The following RBFOX1 variants were observed in gnomAD, a reference collection of about 807,000 sequenced individuals.
RBFOX1 encodes RNA binding fox-1 homolog 1, also known as RNA binding protein fox-1 homolog 1.
In RBFOX1, 8 loss-of-function variants were observed where a neutral mutation model predicts 57.7. The ratio of observed to expected loss-of-function variants is 0.14; its 90% CI spans 0.08 to 0.25. RBFOX1 has a LOEUF of 0.25. RBFOX1 is among the 10% of genes least tolerant of loss of function. The pLI, the probability that RBFOX1 is intolerant of heterozygous loss-of-function variation, is 1.00. For synonymous variants in RBFOX1, 326 were observed against 222.4 expected (o/e 1.47, Z -4.15); for missense variants, 611 against 548.5 (o/e 1.11, Z -1.14).
rs115387338 is a variant in RBFOX1, at chr16:5,252,287, A to G, written c.219+12182A>G. On this transcript the variant is annotated intron_variant, in intron 1 of 2. Transcript: ENST00000585867. ...GTATTTATGCAGGGTTAGGCTTTCC[A>G]GGAGGTCCAGTTAAACCTGAATTTC... 4.2e-3 allele frequency among the ~76,000 whole-genome samples: 643 copies of G among 152,330 alleles called. 4 individuals are homozygous for G. The highest frequency in any genetic ancestry group is 0.015 in the African/African-American group (613 of 41,574).
intron 4 of RBFOX1, among the ~76,000 whole-genome samples, chr16:7,204,685 C>A (rs1404216763): frequency 3.9e-5 from 6 of 152,150 alleles, no homozygotes; most frequent in African/African-American, 1.4e-4. Flanking sequence ...TGTTCTAAGA[C>A]ATCAGGGATT....
intron 10 of RBFOX1, among the ~76,000 whole-genome samples, chr16:7,625,681 A>G (rs948901305): frequency 5.9e-5 from 9 of 152,148 alleles, no homozygotes; most frequent in African/African-American, 1.9e-4. Flanking sequence ...AAATTCAGAA[A>G]TTATGTAGGA....
chr16:7,634,318 A>G (rs2061425117), intron 11 of RBFOX1, among the ~76,000 whole-genome samples: 2 of 150,498 alleles, frequency 1.3e-5, no homozygotes, highest in South Asian at 4.2e-4. Context: ...TTGCAAGATA[A>G]CTCTGGAGCT....
intron 4 of RBFOX1, among the ~76,000 whole-genome samples, chr16:5,887,647 A>C (rs892252937): frequency 2.6e-5 from 4 of 151,668 alleles, no homozygotes; most frequent in East Asian, 2.0e-4. Context: ...CAAGTGATCC[A>C]CCCGCCTCAG....
At position 5,717,786 on chromosome 16, in the gene RBFOX1, G is replaced by A. The variant is rs539019192; in HGVS notation, c.318+118825G>A. 7.9e-5 allele frequency among the ~76,000 whole-genome samples: 12 copies of A among 152,258 alleles called. No homozygotes were observed. In the East Asian group the frequency reaches 1.7e-3, roughly 22 times the overall value. ...TTGCAAGAAGATTTGGTACTATTCG[G>A]AGGGCCTCCCATGATCAGCGATTTA... On this transcript the variant is annotated intron_variant, in intron 3 of 19. Coordinates refer to the RBFOX1 transcript ENST00000641259.
At chr16:6,214,275 T>C (rs1330124670) in intron 1 of RBFOX1, among the ~76,000 whole-genome samples, 1 of 151,862 alleles carries the variant, frequency 6.6e-6, no homozygotes, top group East Asian at 1.9e-4. Flanking sequence ...CTAGTATGCA[T>C]TAGGAATCTC....
chr16:7,078,044 C>G (rs1044146717), intron 4 of RBFOX1, among the ~76,000 whole-genome samples: 1 of 152,270 alleles, frequency 6.6e-6, no homozygotes, highest in African/African-American at 2.4e-5. Context: ...CAGACAAACA[C>G]CTTTTGAGAT....
intron 2 of RBFOX1, among the ~76,000 whole-genome samples, chr16:5,564,916 A>T (rs2046012666): frequency 6.6e-6 from 1 of 152,116 alleles, no homozygotes; most frequent in African/African-American, 2.4e-5. Context: ...GGTGGAACAC[A>T]CCTCAGCCTT....
intron 3 of RBFOX1, among the ~76,000 whole-genome samples, chr16:5,724,604 C>G (rs1399526480): frequency 6.6e-6 from 1 of 152,160 alleles, no homozygotes; most frequent in Non-Finnish European, 1.5e-5. Flanking sequence ...TTCAGAGAGC[C>G]TAATGCATTC....
In RBFOX1 at chr16:5,665,727, C is replaced by T. The variant is rs77805090; in HGVS notation, c.318+66766C>T. ...TGTTTACTGAGTGTCCTGATCTTAG[C>T]ACAGATCCTGGAAAACTCAGCTGCC... is the stretch of plus-strand genomic sequence containing the variant. On this transcript the variant is annotated intron_variant, in intron 3 of 19. Transcript: ENST00000641259. Among the ~76,000 whole-genome samples the T allele has an allele frequency of 5.7e-3, 864 of 152,298 alleles. 9 individuals are homozygous for T. The highest frequency in any genetic ancestry group is 0.02 in the African/African-American group (825 of 41,556).
rs79731629 is a variant in RBFOX1 at position 7,541,749 on chromosome 16, C to T, written c.270+23360C>T. 8.5e-4 allele frequency among the ~76,000 whole-genome samples: 129 copies of T among 152,308 alleles called. No individual in the cohort carries two copies. In the East Asian group the frequency reaches 0.021, roughly 25 times the overall value. On this transcript the variant is annotated intron_variant, in intron 5 of 15. Coordinates refer to ENST00000550418, the MANE Select transcript of RBFOX1 (RefSeq NM_018723.4). Reference sequence around the variant, plus strand: ...CAGCCATGCTTTCCTAGTCATTAACCACCTGGGCCTTGGGCCTGTCATGTT... The same window carrying T: ...CAGCCATGCTTTCCTAGTCATTAACTACCTGGGCCTTGGGCCTGTCATGTT...
Position 5,321,323 on chromosome 16 carries a change from TTTG to T in RBFOX1, c.219+81221_219+81223del, listed in dbSNP as rs1363107477. ...AAAACATGAGATATAAGAGATAACTTTTGTTTTTTTTTTTGAGATGGAGTCTCG... is the reference window on the plus strand; with the variant it reads ...AAAACATGAGATATAAGAGATAACTTTTTTTTTTTTTGAGATGGAGTCTCG... On this transcript the variant is annotated intron_variant, in intron 1 of 2. Coordinates refer to the RBFOX1 transcript ENST00000585867. 1.0e-3 allele frequency among the ~76,000 whole-genome samples: 59 copies of T among 56,634 alleles called. 1 individual carries two copies. The highest frequency in any genetic ancestry group is 1.6e-3 in the African/African-American group (48 of 29,456). The allele number at this position is 56,634 out of a possible 152,430, so 37.2% of individuals were successfully genotyped here.
intron 3 of RBFOX1, among the ~76,000 whole-genome samples, chr16:6,963,521 A>T (rs1157598959): frequency 6.6e-6 from 1 of 152,074 alleles, no homozygotes; most frequent in East Asian, 1.9e-4. Context: ...TTTGCAAAGG[A>T]GTGAATGACT....
intron 4 of RBFOX1, among the ~76,000 whole-genome samples, chr16:7,071,587 A>ATGTGTGTG (rs60039723): frequency 1.4e-5 from 2 of 148,052 alleles, no homozygotes; most frequent in African/African-American, 5.0e-5. Flanking sequence ...TTGCCCAGAT[A>ATGTGTGTG]TGTGTGTGTG....
intron 3 of RBFOX1, among the ~76,000 whole-genome samples, chr16:5,697,355 T>G (rs2151473902): frequency 6.6e-6 from 1 of 151,358 alleles, no homozygotes; most frequent in South Asian, 2.1e-4. Flanking sequence ...TACATAAAAC[T>G]CATATAATAT....
intron 4 of RBFOX1, among the ~76,000 whole-genome samples, chr16:7,253,959 G>C (rs1275156550): frequency 6.6e-6 from 1 of 152,186 alleles, no homozygotes; most frequent in Non-Finnish European, 1.5e-5. Context: ...CTATTACAGT[G>C]TGAGACAGCA....
intron 4 of RBFOX1, among the ~76,000 whole-genome samples, chr16:6,009,580 G>A (rs572964323): frequency 1.3e-5 from 2 of 152,154 alleles, no homozygotes; most frequent in Non-Finnish European, 2.9e-5. Flanking sequence ...AGACAGCCCT[G>A]CTAACAATTA....
intron 3 of RBFOX1, among the ~76,000 whole-genome samples, chr16:6,741,001 G>T (rs926337438): frequency 6.6e-6 from 1 of 152,076 alleles, no homozygotes; most frequent in African/African-American, 2.4e-5. Context: ...ATCGCTATGT[G>T]GTATTTGCTT....
chr16:5,240,025 G>C (rs4110168), exon 1 of RBFOX1: 17 of 1,530,930 alleles, frequency 1.1e-5, no homozygotes, highest in Non-Finnish European at 1.5e-5. Context: ...CGCACAGCCC[G>C]AGGACTGCGA....
Sources: gnomAD v4.1 joint callset for allele counts (sites outside exome capture counted in the v4.1 genomes callset) on GRCh38, gnomAD v4.1.1 for gene constraint, MANE v1.5 for transcripts, NCBI Gene and HGNC (gene_info 2026-07-23, HGNC 2026-07-21) for gene names.